Variants in STPG2 observed in about 807,000 individuals in gnomAD.
The protein encoded by STPG2 is sperm-tail PG-rich repeat-containing protein 2.
In STPG2, 56 loss-of-function variants were observed where a neutral mutation model predicts 54.2. The ratio of observed to expected loss-of-function variants is 1.03; its 90% CI spans 0.83 to 1.29. The LOEUF (loss-of-function observed/expected upper bound fraction) is 1.29, where lower values mean the gene tolerates loss of function less well. STPG2 is among the 50% of genes most tolerant of loss of function. The probability of loss-of-function intolerance (pLI) is 0.00; values close to 1 mark genes in which losing one functional copy is unlikely to be tolerated. For missense variants in STPG2, 596 were observed against 544.9 expected, an observed-to-expected ratio of 1.09 and a Z score of -0.93; for synonymous variants, 200 against 181.8, an observed-to-expected ratio of 1.10 and a Z score of -0.81.
chr4:97,916,590 C>T (rs553347865), intron 8 of STPG2: 94 of 152,966 alleles, frequency 6.1e-4, no homozygotes, highest in Non-Finnish European at 9.7e-4. Flanking sequence ...TGGCTGGCAC[C>T]GAAACAATGC....
intron 4 of STPG2, among the ~76,000 whole-genome samples, chr4:97,493,514 C>T (rs1372889797): frequency 6.6e-6 from 1 of 150,866 alleles, no homozygotes; most frequent in Non-Finnish European, 1.5e-5. Context: ...CTATTGCCTG[C>T]AACAGATAAA....
chr4:98,116,222 C>G (rs1329406110), intron 3 of STPG2, among the ~76,000 whole-genome samples: 1 of 150,860 alleles, frequency 6.6e-6, no homozygotes, highest in African/African-American at 2.4e-5. Context: ...ATCATTGTGG[C>G]CTTCTAATAG....
chr4:97,499,614 T>C (rs1365206653), intron 4 of STPG2, among the ~76,000 whole-genome samples: 1 of 151,924 alleles, frequency 6.6e-6, no homozygotes, highest in Non-Finnish European at 1.5e-5. Flanking sequence ...TTTTAAATGG[T>C]ATGAAGAAAA....
At chr4:97,778,143 T>A (rs958505495) in intron 9 of STPG2, among the ~76,000 whole-genome samples, 1 of 151,472 alleles carries the variant, frequency 6.6e-6, no homozygotes, top group African/African-American at 2.4e-5. Flanking sequence ...GCGCAAGGGG[T>A]CAGGGAATTC....
intron 5 of STPG2, among the ~76,000 whole-genome samples, chr4:98,088,406 T>C (rs1414180457): frequency 2.0e-5 from 3 of 152,130 alleles, no homozygotes; most frequent in African/African-American, 7.2e-5. Context: ...GTTTCCTGTA[T>C]GTGATGTATG....
chr4:97,823,835 C>T (rs777725170), intron 9 of STPG2, among the ~76,000 whole-genome samples: 10 of 152,114 alleles, frequency 6.6e-5, no homozygotes, highest in African/African-American at 1.7e-4. Context: ...AATTTAGAGT[C>T]TCTCCTAAGA....
At chr4:97,863,605 A>G (rs1262233876) in intron 8 of STPG2, among the ~76,000 whole-genome samples, 4 of 152,236 alleles carry the variant, frequency 2.6e-5, no homozygotes, top group African/African-American at 9.6e-5. Context: ...TTATGAGGCC[A>G]GCATCATCCC....
intron 7 of STPG2, among the ~76,000 whole-genome samples, chr4:97,966,438 G>T (rs1292008910): frequency 6.6e-6 from 1 of 152,138 alleles, no homozygotes; most frequent in Non-Finnish European, 1.5e-5. Flanking sequence ...GAACCAAGCT[G>T]GAAAACACTC....
chr4:97,490,048 C>A (rs1730469164), intron 4 of STPG2: 1 of 151,370 alleles, frequency 6.6e-6, no homozygotes, highest in Non-Finnish European at 1.5e-5. Context: ...TTTATTTTCC[C>A]ACCTCTGTGT....
intron 4 of STPG2, among the ~76,000 whole-genome samples, chr4:97,447,754 A>T (rs112227953): frequency 0.016 from 2,468 of 152,324 alleles, 63 homozygotes; most frequent in African/African-American, 0.057. Context: ...AGTCTTTCGC[A>T]GGGTCAGAGC....
At chr4:98,100,259 C>T (rs910854425) in intron 5 of STPG2, among the ~76,000 whole-genome samples, 1 of 152,146 alleles carries the variant, frequency 6.6e-6, no homozygotes, top group East Asian at 1.9e-4. Flanking sequence ...AGGTACCTCA[C>T]TTCACTATAT....
At chr4:97,461,897 C>T (rs986548907) in intron 4 of STPG2, among the ~76,000 whole-genome samples, 1 of 152,090 alleles carries the variant, frequency 6.6e-6, no homozygotes, top group East Asian at 1.9e-4. Context: ...CTGTGTCATG[C>T]CCTTCCATTC....
At chr4:97,969,033 G>A (rs760170940) in intron 7 of STPG2, among the ~76,000 whole-genome samples, 6 of 152,250 alleles carry the variant, frequency 3.9e-5, no homozygotes, top group South Asian at 2.1e-4. Context: ...CATGAAGGGC[G>A]CCTGTTCATA....
chr4:97,797,575 C>G (rs1001538477), intron 9 of STPG2, among the ~76,000 whole-genome samples: 2 of 152,138 alleles, frequency 1.3e-5, no homozygotes, highest in Admixed American at 6.5e-5. Context: ...TGATGTGCTG[C>G]TGGATTTGGT....
intron 9 of STPG2, among the ~76,000 whole-genome samples, chr4:97,825,799 GAAAAATAAAAAGTGTAATGCCTTT>G (rs1728241058): frequency 6.6e-6 from 1 of 152,052 alleles, no homozygotes; most frequent in Non-Finnish European, 1.5e-5. Flanking sequence ...TATGTTATCA[GAAAAATAAAAAGTGTAATGCCTTT>G]TACTTCATGT....
chr4:97,651,195 C>G (rs1722056915), intron 10 of STPG2, among the ~76,000 whole-genome samples: 2 of 151,920 alleles, frequency 1.3e-5, no homozygotes, highest in South Asian at 4.1e-4. Flanking sequence ...TCTTGACTAC[C>G]TGTGTTAGAC....
At chr4:97,990,613 G>A (rs1468562342) in intron 5 of STPG2, among the ~76,000 whole-genome samples, 3 of 152,048 alleles carry the variant, frequency 2.0e-5, no homozygotes, top group African/African-American at 7.2e-5. Context: ...GCACAGTAAA[G>A]AACCACAGAC....
intron 5 of STPG2, among the ~76,000 whole-genome samples, chr4:98,017,332 G>T (rs1241632597): frequency 6.6e-6 from 1 of 152,256 alleles, no homozygotes; most frequent in African/African-American, 2.4e-5. Flanking sequence ...ACTGATGTTG[G>T]CCTGAAGCCT....
At chr4:97,518,567 T>A (rs17026749) in intron 4 of STPG2, among the ~76,000 whole-genome samples, 2 of 152,062 alleles carry the variant, frequency 1.3e-5, no homozygotes, top group Non-Finnish European at 2.9e-5. Flanking sequence ...TAATTTCATC[T>A]TTGGTGGGAA....
Sources: gnomAD v4.1 joint callset for allele counts (sites outside exome capture counted in the v4.1 genomes callset) on GRCh38, gnomAD v4.1.1 for gene constraint, MANE v1.5 for transcripts, NCBI Gene and HGNC (gene_info 2026-07-23, HGNC 2026-07-21) for gene names.